The following KCNH8 variants were observed in gnomAD, a reference collection of about 807,000 sequenced individuals.
KCNH8 encodes potassium voltage-gated channel subfamily H member 8.
KCNH8 carries 70 observed loss-of-function variants against 103.6 expected under a neutral mutation model. The observed-to-expected ratio is 0.68, with a 90% CI of 0.56 to 0.82. The LOEUF is 0.82. Among genes scored for constraint, KCNH8 ranks in the 40% least tolerant of loss-of-function variants. The pLI is 0.00. For synonymous variants in KCNH8, 498 were observed against 489.4 expected, an observed-to-expected ratio of 1.02 and a Z score of -0.23; for missense variants, 1,217 against 1,329.9, an observed-to-expected ratio of 0.92 and a Z score of 1.32.
intron 7 of KCNH8, among the ~76,000 whole-genome samples, chr3:19,434,541 AT>A (rs2067169239): frequency 6.6e-6 from 1 of 152,070 alleles, no homozygotes; most frequent in Non-Finnish European, 1.5e-5. Flanking sequence ...CATCATAATC[AT>A]TTTCTTCCAG....
At chr3:19,356,489 A>G (rs1026875072) in intron 5 of KCNH8, among the ~76,000 whole-genome samples, 5 of 152,004 alleles carry the variant, frequency 3.3e-5, no homozygotes, top group Non-Finnish European at 7.4e-5. Flanking sequence ...CTCTTAAATT[A>G]AATTCTTTTG....
At chr3:19,197,423 A>G (rs533930940) in intron 1 of KCNH8, among the ~76,000 whole-genome samples, 1 of 152,116 alleles carries the variant, frequency 6.6e-6, no homozygotes, top group Non-Finnish European at 1.5e-5. Context: ...CCCCAAATCT[A>G]TCTGGCATTG....
At chr3:19,498,428 A>G (rs1406966326) in intron 11 of KCNH8, among the ~76,000 whole-genome samples, 1 of 152,120 alleles carries the variant, frequency 6.6e-6, no homozygotes, top group Non-Finnish European at 1.5e-5. Flanking sequence ...ACCTCTTGTA[A>G]GGCAGGCATG....
rs577532009 is a variant in KCNH8 at position 19,263,271 on chromosome 3, C to T, written c.310+9384C>T. On this transcript the variant is annotated intron_variant, in intron 2 of 15. Coordinates refer to ENST00000328405, the MANE Select transcript of KCNH8 (RefSeq NM_144633.3). ...ATATATATGACCATATTTTTACTCA[C>T]TGGGTTGTAGAGTCAAGGAAACTCA... Among the ~76,000 whole-genome samples, 8 of 152,178 alleles carry T rather than the reference C, an allele frequency of 5.3e-5. No homozygotes were observed. The South Asian group carries it at 1.7e-3, about 32-fold the overall frequency.
At chr3:19,413,515 C>T (rs990531038) in intron 7 of KCNH8, among the ~76,000 whole-genome samples, 2 of 151,998 alleles carry the variant, frequency 1.3e-5, no homozygotes, top group African/African-American at 4.8e-5. Flanking sequence ...ATGTAACAAA[C>T]CTGTACATGT....
intron 3 of KCNH8, among the ~76,000 whole-genome samples, chr3:19,292,065 A>G (rs2064936116): frequency 6.6e-6 from 1 of 152,122 alleles, no homozygotes; most frequent in African/African-American, 2.4e-5. Context: ...TTCATTCATT[A>G]TGTTAATTTG....
At chr3:19,326,478 T>C (rs1460663880) in intron 3 of KCNH8, among the ~76,000 whole-genome samples, 1 of 151,616 alleles carries the variant, frequency 6.6e-6, no homozygotes, top group Non-Finnish European at 1.5e-5. Flanking sequence ...GTGTCTCTGG[T>C]ACTTTTTAAA....
In KCNH8 at chr3:19,438,321, T is replaced by C. The variant is rs764064082; in HGVS notation, c.1335T>C (p.Asp445=). Residue 445 remains aspartate, a synonymous_variant, in exon 8 of 16, where the codon GAT becomes GAC. Transcript: ENST00000328405. ...VGFGNVSANT[D]AEKIFSICTM... ...TTGGGAACGTCTCTGCTAATACAGA[T>C]GCAGAAAAGATCTTCTCCATCTGCA... is the stretch of plus-strand genomic sequence containing the variant. 9.9e-6 allele frequency: 16 copies of C among 1,613,938 alleles called. No homozygotes were observed. The highest frequency in any genetic ancestry group is 1.3e-5 in the Non-Finnish European group (15 of 1,180,006).
intron 11 of KCNH8, among the ~76,000 whole-genome samples, chr3:19,501,455 C>T (rs1210272901): frequency 2.6e-5 from 4 of 152,122 alleles, no homozygotes; most frequent in South Asian, 2.1e-4. Flanking sequence ...ATACCAAAGC[C>T]GGGCAGAGAC....
chr3:19,476,944 G>T (rs1419795501), intron 11 of KCNH8, among the ~76,000 whole-genome samples: 2 of 152,064 alleles, frequency 1.3e-5, no homozygotes, highest in Non-Finnish European at 2.9e-5. Flanking sequence ...TATTGTCAAT[G>T]TCTTATTGAC....
At chr3:19,347,596 A>G (rs1255720111) in intron 4 of KCNH8, 129 bp from the exon 5 acceptor site, 1 of 1,121,256 alleles carries the variant, frequency 8.9e-7, no homozygotes, top group Non-Finnish European at 1.3e-6. Context: ...CCAACTTTTA[A>G]AAGTCACTTG....
At chr3:19,372,642 C>A (rs1408966446) in intron 5 of KCNH8, among the ~76,000 whole-genome samples, 1 of 152,146 alleles carries the variant, frequency 6.6e-6, no homozygotes, top group African/African-American at 2.4e-5. Flanking sequence ...GAACTTCCAA[C>A]ACTATGTTGA....
chr3:19,301,087 T>A, intron 3 of KCNH8, among the ~76,000 whole-genome samples: 1 of 151,430 alleles, frequency 6.6e-6, no homozygotes, highest in Non-Finnish European at 1.5e-5. Flanking sequence ...ATCAGTGTTT[T>A]CCAGGGTTCA....
chr3:19,467,880 CT>C (rs1399850053), intron 11 of KCNH8, among the ~76,000 whole-genome samples: 2 of 152,132 alleles, frequency 1.3e-5, no homozygotes, highest in Admixed American at 1.3e-4. Context: ...GCCATCTTGC[CT>C]CCAGCATTAC....
chr3:19,246,839 C>G (rs1215113315), intron 1 of KCNH8, among the ~76,000 whole-genome samples: 1 of 152,012 alleles, frequency 6.6e-6, no homozygotes, highest in African/African-American at 2.4e-5. Flanking sequence ...GAATTTCCAC[C>G]TGAGGGTGAT....
chr3:19,326,571 T>C (rs369645011), intron 3 of KCNH8, among the ~76,000 whole-genome samples: 14 of 152,102 alleles, frequency 9.2e-5, no homozygotes, highest in African/African-American at 3.4e-4. Context: ...TGTCAACTAA[T>C]TCCTGCTAAG....
intron 10 of KCNH8, among the ~76,000 whole-genome samples, chr3:19,453,742 C>T (rs942345819): frequency 6.6e-6 from 1 of 152,104 alleles, no homozygotes; most frequent in African/African-American, 2.4e-5. Flanking sequence ...CGGAAAGGTG[C>T]CATTTGTGAA....
intron 11 of KCNH8, among the ~76,000 whole-genome samples, chr3:19,501,545 G>C (rs563528068): frequency 6.6e-6 from 1 of 152,212 alleles, no homozygotes; most frequent in South Asian, 2.1e-4. Context: ...CTGGCAAACC[G>C]AATCCAGCAG....
intron 3 of KCNH8, among the ~76,000 whole-genome samples, chr3:19,309,466 G>T (rs754653675): frequency 6.6e-6 from 1 of 151,950 alleles, no homozygotes; most frequent in Non-Finnish European, 1.5e-5. Flanking sequence ...TAGATTCATT[G>T]TTGCACTCAT....
Sources: allele counts gnomAD v4.1 joint callset (sites outside exome capture counted in the v4.1 genomes callset), GRCh38; gene constraint gnomAD v4.1.1; transcripts MANE v1.5; gene names NCBI Gene and HGNC (gene_info 2026-07-23, HGNC 2026-07-21).